Variants in AMPD3 observed in about 807,000 individuals in gnomAD.
The protein encoded by AMPD3 is adenosine monophosphate deaminase 3.
A neutral mutation model predicts 82.3 loss-of-function variants in AMPD3; 57 were observed. The ratio of observed to expected loss-of-function variants is 0.69; its 90% confidence interval spans 0.56 to 0.86. The LOEUF (loss-of-function observed/expected upper bound fraction) is 0.86. Among genes scored for constraint, AMPD3 ranks in the 40% least tolerant of loss-of-function variants. The pLI is 0.00. For synonymous variants in AMPD3, 381 were observed against 394.7 expected, an observed-to-expected ratio of 0.97 and a Z score of 0.41; for missense variants, 870 against 1,003.8, an observed-to-expected ratio of 0.87 and a Z score of 1.80.
intron 1 of AMPD3, among the ~76,000 whole-genome samples, chr11:10,459,442 T>C (rs1171314786): frequency 6.6e-6 from 1 of 152,098 alleles, no homozygotes; most frequent in African/African-American, 2.4e-5. Context: ...TCAATCCCTT[T>C]ATCTCACAGA....
At chr11:10,467,668 A>T (rs1480013458) in intron 2 of AMPD3, among the ~76,000 whole-genome samples, 1 of 152,206 alleles carries the variant, frequency 6.6e-6, no homozygotes, top group East Asian at 1.9e-4. Flanking sequence ...TACAGAGAAC[A>T]CCACAAAGAT....
intron 6 of AMPD3, among the ~76,000 whole-genome samples, chr11:10,491,113 C>T (rs1002878891): frequency 6.6e-6 from 1 of 152,216 alleles, no homozygotes; most frequent in East Asian, 1.9e-4. Flanking sequence ...AGGTCAGCCG[C>T]CTCCTCACCC....
At chr11:10,470,164 G>A (rs1394967884) in intron 2 of AMPD3, among the ~76,000 whole-genome samples, 1 of 152,166 alleles carries the variant, frequency 6.6e-6, no homozygotes, top group African/African-American at 2.4e-5. Flanking sequence ...TTCAACATAT[G>A]CAAATCAATC....
At position 10,469,743 on chromosome 11, in the gene AMPD3, G is replaced by A. The variant is rs555073019; in HGVS notation, c.221+8003G>A. 1.4e-4 allele frequency among the ~76,000 whole-genome samples: 21 copies of A among 152,250 alleles called. No homozygotes were observed. The South Asian group carries it at 2.3e-3, about 17-fold the overall frequency. On this transcript the variant is annotated intron_variant, in intron 2 of 14. Coordinates refer to ENST00000396553, the MANE Select transcript of AMPD3 (RefSeq NM_001025389.2). ...CAGGCCAATATCCCTGATGAACATCGATGTAAAAGTCTTCGGCCGGGCGCG... is the reference window on the plus strand; with the variant it reads ...CAGGCCAATATCCCTGATGAACATCAATGTAAAAGTCTTCGGCCGGGCGCG...
chr11:10,501,466 A>T lies in AMPD3; in HGVS notation c.1722-4A>T, dbSNP rs1199547797. 6.2e-7 allele frequency: 1 copy of T among 1,613,784 alleles called. No homozygotes were observed. The highest frequency in any genetic ancestry group is 8.5e-7 in the Non-Finnish European group (1 of 1,179,790). On this transcript the variant is annotated splice_region_variant and splice_polypyrimidine_tract_variant and intron_variant, in intron 11 of 14. Coordinates refer to ENST00000396553, the MANE Select transcript of AMPD3 (RefSeq NM_001025389.2). ...TCCTGATTCGGAAACCCCTTCTCTT[A>T]CAGGGAGCGCGGCCTGAGCACGTTC... is the stretch of plus-strand genomic sequence containing the variant.
At chr11:10,494,588 G>T in intron 7 of AMPD3, 1 of 985,360 alleles carries the variant, frequency 1.0e-6, no homozygotes, top group Non-Finnish European at 1.2e-6. Flanking sequence ...TAGTGATAGG[G>T]AATGTTCTAT....
upstream of AMPD3, among the ~76,000 whole-genome samples, chr11:10,454,449 A>G (rs563107932): frequency 7.2e-5 from 11 of 152,322 alleles, no homozygotes; most frequent in African/African-American, 2.6e-4. Flanking sequence ...CTATGACAGC[A>G]GTTCTAGGAT....
intron 4 of AMPD3, chr11:10,484,504 A>G: frequency 6.1e-6 from 6 of 985,334 alleles, no homozygotes; most frequent in Non-Finnish European, 7.2e-6. Flanking sequence ...ATTTTAAAAA[A>G]TTGTTGAAGT....
intron 4 of AMPD3, among the ~76,000 whole-genome samples, chr11:10,483,814 G>C (rs758985829): frequency 3.3e-5 from 5 of 152,248 alleles, no homozygotes; most frequent in Non-Finnish European, 5.9e-5. Context: ...TGCCCAGGCA[G>C]GTCACTCTGC....
chr11:10,487,624 T>C (rs1444182527), intron 6 of AMPD3, among the ~76,000 whole-genome samples: 1 of 152,252 alleles, frequency 6.6e-6, no homozygotes, highest in Non-Finnish European at 1.5e-5. Flanking sequence ...TGTTGGGATG[T>C]GCCCTCTTCC....
intron 5 of AMPD3, chr11:10,486,919 C>T (rs144894513): frequency 2.8e-5 from 28 of 985,408 alleles, no homozygotes; most frequent in Middle Eastern, 5.2e-4. Context: ...TGGGTGTTAC[C>T]ACCTGATATT....
chr11:10,450,925 T>G (rs910180262), upstream of AMPD3: 14 of 1,273,150 alleles, frequency 1.1e-5, no homozygotes, highest in African/African-American at 1.5e-4. Flanking sequence ...GGCCGGGCCC[T>G]GGCCCCGGCT....
rs971127218 is a variant in AMPD3 at position 10,495,658 on chromosome 11, A to G, written c.1355A>G (p.Asn452Ser). ...GGCCGCAGTCCTGAGGAGTGGCCCA[A>G]CCTGGCCTACTGGTTCATCCAGCAC... ...IYGRSPEEWP[N>S]LAYWFIQHKV... The change falls in exon 9 of 15, where the codon AAC (asparagine) becomes AGC (serine). Residue 452 changes from asparagine (N) to serine (S), a missense_variant. Asn to Ser is a conservative substitution (Grantham distance 46, BLOSUM62 1). Coordinates refer to ENST00000396553, the MANE Select transcript of AMPD3 (RefSeq NM_001025389.2). 6.2e-7 allele frequency: 1 copy of G among 1,613,936 alleles called. No homozygotes were observed. Among genetic ancestry groups the G allele is most frequent in the African/African-American group, 1.3e-5 (1 of 74,886 alleles).
intron 11 of AMPD3, chr11:10,501,254 A>T: frequency 1.0e-6 from 1 of 984,780 alleles, no homozygotes; most frequent in Non-Finnish European, 1.2e-6. Flanking sequence ...TGCGAGGCCC[A>T]CTCTCTGCCC....
At chr11:10,499,697 C>T in intron 10 of AMPD3, 1 of 985,336 alleles carries the variant, frequency 1.0e-6, no homozygotes, top group Non-Finnish European at 1.2e-6. Flanking sequence ...TCCCTCATCG[C>T]TTGTCGCTGC....
intron 7 of AMPD3, chr11:10,494,668 G>A (rs925832962): frequency 2.4e-5 from 24 of 985,314 alleles, no homozygotes; most frequent in Admixed American, 6.1e-5. Context: ...TAACTTGCAG[G>A]TGGGGCCTCT....
chr11:10,501,307 G>A (rs1380959777), intron 11 of AMPD3, 163 bp from the exon 12 acceptor site: 2 of 985,150 alleles, frequency 2.0e-6, no homozygotes, highest in African/African-American at 3.5e-5. Flanking sequence ...CCAGGGCCTG[G>A]ACCTCTGCAT....
chr11:10,452,448 G>A (rs923993586), upstream of AMPD3, among the ~76,000 whole-genome samples: 16 of 152,088 alleles, frequency 1.1e-4, no homozygotes, highest in Admixed American at 9.2e-4. Flanking sequence ...CTGGGGCATG[G>A]GAGGATGAGC....
At chr11:10,477,369 G>A (rs1014083254) in intron 2 of AMPD3, among the ~76,000 whole-genome samples, 1 of 152,192 alleles carries the variant, frequency 6.6e-6, no homozygotes, top group Admixed American at 6.5e-5. Flanking sequence ...GACACTGTGG[G>A]ATGGCACCGT....
Sources: allele counts gnomAD v4.1 joint callset (sites outside exome capture counted in the v4.1 genomes callset), GRCh38; gene constraint gnomAD v4.1.1; transcripts MANE v1.5; gene names NCBI Gene and HGNC (gene_info 2026-07-23, HGNC 2026-07-21).